The following ABCC1 variants were observed in gnomAD, a reference collection of about 807,000 sequenced individuals.
ABCC1 encodes ATP binding cassette subfamily C member 1 (ABCC1 blood group), also known as multidrug resistance-associated protein 1.
In ABCC1, 83 loss-of-function variants were observed where a neutral mutation model predicts 172.9. That is an observed-to-expected ratio of 0.48 (90% confidence interval 0.40 to 0.58). The LOEUF (loss-of-function observed/expected upper bound fraction) is 0.58, where lower values mean the gene tolerates loss of function less well. ABCC1 is among the 20% of genes least tolerant of loss of function. The pLI, the probability that ABCC1 is intolerant of heterozygous loss-of-function variation, is 0.00. For synonymous variants in ABCC1, 937 were observed against 825.2 expected (o/e 1.14, Z -2.32); for missense variants, 1,817 against 2,002.7 (o/e 0.91, Z 1.77).
intron 23 of ABCC1, among the ~76,000 whole-genome samples, chr16:16,121,096 A>G (rs1200565943): frequency 6.6e-6 from 1 of 152,242 alleles, no homozygotes; most frequent in Non-Finnish European, 1.5e-5. Context: ...TATATGATTT[A>G]TGAAATAATG....
chr16:16,074,714 A>G (rs1329156284), intron 14 of ABCC1, among the ~76,000 whole-genome samples: 2 of 152,148 alleles, frequency 1.3e-5, no homozygotes, highest in Non-Finnish European at 2.9e-5. Flanking sequence ...TAAATTCCTT[A>G]AATAGCAACT....
At chr16:15,963,674 G>A (rs2046185794) in intron 1 of ABCC1, among the ~76,000 whole-genome samples, 1 of 152,186 alleles carries the variant, frequency 6.6e-6, no homozygotes, top group Admixed American at 6.5e-5. Context: ...TGTGTACCTT[G>A]GCTCCTCTTA....
intron 13 of ABCC1, 64 bp downstream of exon 13, chr16:16,068,366 G>A (rs550561230): frequency 1.9e-6 from 3 of 1,590,148 alleles, no homozygotes; most frequent in Admixed American, 1.7e-5. Flanking sequence ...ACGAAAGCAT[G>A]GAAGTGCCCC....
intron 1 of ABCC1, among the ~76,000 whole-genome samples, chr16:15,966,404 T>C (rs1478384604): frequency 1.4e-5 from 1 of 69,914 alleles, no homozygotes; most frequent in Non-Finnish European, 3.0e-5. Context: ...AGAGAGACTT[T>C]ATCTTAAAAA....
chr16:16,097,632 T>C (rs1261637453), intron 19 of ABCC1, among the ~76,000 whole-genome samples: 1 of 152,186 alleles, frequency 6.6e-6, no homozygotes, highest in African/African-American at 2.4e-5. Flanking sequence ...TTTCACCCCC[T>C]CTCAGGTCTG....
chr16:16,039,110 T>C (rs2151854920), intron 7 of ABCC1, among the ~76,000 whole-genome samples: 1 of 152,048 alleles, frequency 6.6e-6, no homozygotes, highest in African/African-American at 2.4e-5. Context: ...AGACAGGACG[T>C]TGGTTGTGAA....
At chr16:16,055,405 C>T (rs761405668) in intron 11 of ABCC1, among the ~76,000 whole-genome samples, 3 of 151,918 alleles carry the variant, frequency 2.0e-5, no homozygotes, top group Non-Finnish European at 4.4e-5. Flanking sequence ...GAAAAATTAG[C>T]CAGGCGTGGT....
intron 1 of ABCC1, among the ~76,000 whole-genome samples, chr16:16,005,994 G>GAAA (rs202150575): frequency 1.0e-5 from 1 of 97,624 alleles, no homozygotes. Flanking sequence ...ACTCTGTCAA[G>GAAA]AAAAAAAAAA....
intron 12 of ABCC1, among the ~76,000 whole-genome samples, chr16:16,061,663 T>C (rs1014544340): frequency 6.6e-6 from 1 of 152,220 alleles, no homozygotes; most frequent in Non-Finnish European, 1.5e-5. Context: ...GGTGGATACA[T>C]GTCATACATG....
At chr16:15,967,028 C>A (rs957922556) in intron 1 of ABCC1, among the ~76,000 whole-genome samples, 2 of 152,056 alleles carry the variant, frequency 1.3e-5, no homozygotes, top group Admixed American at 1.3e-4. Flanking sequence ...GGTCCCCTGC[C>A]CCCTGAGATC....
chr16:16,116,934 G>A (rs1248143875), intron 23 of ABCC1, among the ~76,000 whole-genome samples: 1 of 152,068 alleles, frequency 6.6e-6, no homozygotes, highest in Non-Finnish European at 1.5e-5. Flanking sequence ...TCTGATAACC[G>A]ATATGGCTAT....
intron 1 of ABCC1, among the ~76,000 whole-genome samples, chr16:15,968,471 T>C (rs2046296484): frequency 6.6e-6 from 1 of 152,018 alleles, no homozygotes; most frequent in South Asian, 2.1e-4. Flanking sequence ...GCAGGTGGCG[T>C]GATCTCTGCT....
chr16:15,981,074 C>T (rs2046609662), intron 1 of ABCC1, among the ~76,000 whole-genome samples: 1 of 152,210 alleles, frequency 6.6e-6, no homozygotes, highest in South Asian at 2.1e-4. Flanking sequence ...GTCTCACATC[C>T]AGGTCATGCT....
At chr16:16,101,802 T>A (rs2051765367) in intron 19 of ABCC1, among the ~76,000 whole-genome samples, 1 of 152,216 alleles carries the variant, frequency 6.6e-6, no homozygotes, top group East Asian at 1.9e-4. Context: ...ATGTTGGCTG[T>A]CATTGTCATT....
chr16:16,108,055 G>A (rs1467438894), intron 21 of ABCC1, among the ~76,000 whole-genome samples: 1 of 151,966 alleles, frequency 6.6e-6, no homozygotes, highest in African/African-American at 2.4e-5. Flanking sequence ...TGACTCTGGT[G>A]TCCTCTCTCG....
chr16:16,116,439 C>A (rs1348568944), intron 23 of ABCC1, among the ~76,000 whole-genome samples: 1 of 151,948 alleles, frequency 6.6e-6, no homozygotes, highest in Non-Finnish European at 1.5e-5. Context: ...TACATACATA[C>A]CTATGATAAA....
intron 13 of ABCC1, among the ~76,000 whole-genome samples, chr16:16,069,185 TAA>T (rs2050234873): frequency 1.4e-5 from 2 of 144,242 alleles, no homozygotes; most frequent in South Asian, 4.3e-4. Context: ...AATAAATAAA[TAA>T]ATAAATAAAT....
chr16:16,111,688 A>G, intron 22 of ABCC1, 106 bp downstream of exon 22: 1 of 971,394 alleles, frequency 1.0e-6, no homozygotes, highest in Non-Finnish European at 1.5e-6. Flanking sequence ...GGGACCCCAA[A>G]CCAAGCCAAA....
At chr16:16,037,408 C>T (rs944438671) in intron 7 of ABCC1, among the ~76,000 whole-genome samples, 2 of 151,974 alleles carry the variant, frequency 1.3e-5, no homozygotes, top group African/African-American at 4.8e-5. Flanking sequence ...GCCAGTGCCT[C>T]CCCTGCACAT....
Sources: allele counts gnomAD v4.1 joint callset (sites outside exome capture counted in the v4.1 genomes callset), GRCh38; gene constraint gnomAD v4.1.1; transcripts MANE v1.5; gene names NCBI Gene and HGNC (gene_info 2026-07-23, HGNC 2026-07-21).